CSMD1: variants seen among roughly 807,000 people sequenced by gnomAD.
The protein encoded by CSMD1 is CUB and sushi domain-containing protein 1.
A neutral mutation model predicts 417.5 loss-of-function variants in CSMD1; 213 were observed. That is an observed-to-expected ratio of 0.51 (90% CI 0.46 to 0.57). The LOEUF (loss-of-function observed/expected upper bound fraction) is 0.57, where lower values mean the gene tolerates loss of function less well. Among genes scored for constraint, CSMD1 ranks in the 20% least tolerant of loss-of-function variants. The pLI is 0.00. For synonymous variants in CSMD1, 2,862 were observed against 1,736.8 expected (o/e 1.65, Z -16.11); for missense variants, 6,923 against 4,529.7 (o/e 1.53, Z -15.17).
intron 5 of CSMD1, among the ~76,000 whole-genome samples, chr8:3,853,725 G>C (rs943280526): frequency 6.6e-6 from 1 of 151,810 alleles, no homozygotes; most frequent in African/African-American, 2.4e-5. Flanking sequence ...ACCTCGGGGT[G>C]GGGGGAGCAG....
chr8:3,615,664 A>C (rs995403128), intron 8 of CSMD1, among the ~76,000 whole-genome samples: 4 of 152,194 alleles, frequency 2.6e-5, no homozygotes, highest in Admixed American at 2.0e-4. Flanking sequence ...CTCCAATTTA[A>C]CTAAAAAACA....
chr8:3,826,828 C>T (rs954246622), intron 5 of CSMD1, among the ~76,000 whole-genome samples: 4 of 152,148 alleles, frequency 2.6e-5, no homozygotes, highest in African/African-American at 4.8e-5. Flanking sequence ...ACTCTGTCAT[C>T]TAGGCTGCAG....
At chr8:4,336,368 C>A (rs1800172943) in intron 3 of CSMD1, among the ~76,000 whole-genome samples, 1 of 152,096 alleles carries the variant, frequency 6.6e-6, no homozygotes, top group Non-Finnish European at 1.5e-5. Context: ...CATTAACAGG[C>A]AACTGTGCCT....
chr8:3,619,015 A>T (rs903619239), intron 7 of CSMD1, among the ~76,000 whole-genome samples: 1 of 152,172 alleles, frequency 6.6e-6, no homozygotes, highest in Admixed American at 6.6e-5. Context: ...CAGCCATGAA[A>T]GGCTGTGACA....
Position 3,201,475 on chromosome 8 carries a change from T to G in CSMD1, c.5098+137A>C, listed in dbSNP as rs1796990859. 3.0e-5 allele frequency: 14 copies of G among 464,222 alleles called. No homozygotes were observed. The East Asian group carries it at 4.6e-4, about 15-fold the overall frequency. The allele number at this position is 464,222 out of a possible 1,614,324, so 28.8% of individuals were successfully genotyped here. On this transcript the variant is annotated intron_variant, in intron 32 of 69. Transcript: ENST00000635120. ...TGAGATCTTATATCTAAAATAAGAT[T>G]TTTCTAAGCACACACGCAAATTCAA... is the stretch of plus-strand genomic sequence containing the variant.
chr8:3,427,021 C>A (rs139095426), intron 12 of CSMD1, among the ~76,000 whole-genome samples: 49 of 152,258 alleles, frequency 3.2e-4, no homozygotes, highest in Middle Eastern at 3.4e-3. Flanking sequence ...AATTACCAAA[C>A]ACTTATAAAA....
intron 10 of CSMD1, among the ~76,000 whole-genome samples, chr8:3,566,505 C>G (rs1799715677): frequency 6.6e-6 from 1 of 151,364 alleles, no homozygotes; most frequent in South Asian, 2.1e-4. Flanking sequence ...TCAGTGTGCT[C>G]AGCCCCGGTA....
chr8:3,849,075 C>A (rs1003480741), intron 5 of CSMD1, among the ~76,000 whole-genome samples: 1 of 151,942 alleles, frequency 6.6e-6, no homozygotes, highest in Non-Finnish European at 1.5e-5. Flanking sequence ...ATACAAGATT[C>A]CATTTAACAG....
rs148597036 is a variant in CSMD1, at chr8:4,512,071, G to A, written c.303-92006C>T. Among the ~76,000 whole-genome samples, 738 of 152,128 alleles carry A rather than the reference G, an allele frequency of 4.9e-3. 6 individuals carry two copies. Among genetic ancestry groups the A allele is most frequent in the African/African-American group, 0.017 (699 of 41,510 alleles). ...ATATTAGCAAAATAAATTCAACAAC[G>A]TATAAAAAGAATTATATACCATGTT... On this transcript the variant is annotated intron_variant, in intron 2 of 69. Coordinates refer to ENST00000635120, the MANE Select transcript of CSMD1 (RefSeq NM_033225.6).
At chr8:3,350,880 G>A (rs1585038692) in intron 21 of CSMD1, among the ~76,000 whole-genome samples, 1 of 152,074 alleles carries the variant, frequency 6.6e-6, no homozygotes, top group Non-Finnish European at 1.5e-5. Context: ...TATAATAAAT[G>A]GTAGTAACTA....
At chr8:3,483,940 C>T (rs1018005670) in intron 11 of CSMD1, among the ~76,000 whole-genome samples, 1 of 152,202 alleles carries the variant, frequency 6.6e-6, no homozygotes, top group Non-Finnish European at 1.5e-5. Flanking sequence ...TCACAGGACA[C>T]ATAGTGTTCA....
chr8:3,056,865 A>G (rs1812265081), intron 49 of CSMD1, among the ~76,000 whole-genome samples: 1 of 152,032 alleles, frequency 6.6e-6, no homozygotes, highest in Non-Finnish European at 1.5e-5. Context: ...AAATATATGT[A>G]CACATATAAA....
rs66603480 is a variant in CSMD1, at chr8:3,764,739, C to CT, written c.819-10698dup. On this transcript the variant is annotated intron_variant, in intron 5 of 69. Transcript: ENST00000635120. Reference sequence around the variant, plus strand: ...ATCACAGCACTGCCCTTTTCTCTTTCTTTTTTTTTTTTTTTTTTTTATTTT... The same window carrying CT: ...ATCACAGCACTGCCCTTTTCTCTTTCTTTTTTTTTTTTTTTTTTTTTATTTT... Among the ~76,000 whole-genome samples the CT allele has an allele frequency of 3.2e-3, 411 of 129,762 alleles. 1 individual carries two copies. Among genetic ancestry groups the CT allele is most frequent in the African/African-American group, 7.7e-3 (267 of 34,888 alleles). 85.1% of individuals were successfully genotyped at this position (129,762 alleles called of 152,430 possible). A position where few individuals can be genotyped will look rare whatever the true frequency, so the allele number is the denominator to read the frequency against.
intron 5 of CSMD1, among the ~76,000 whole-genome samples, chr8:3,812,447 G>A (rs916077531): frequency 1.3e-5 from 2 of 152,062 alleles, no homozygotes; most frequent in Admixed American, 6.6e-5. Flanking sequence ...CAATGATGTG[G>A]CTAGATTAAA....
intron 2 of CSMD1, among the ~76,000 whole-genome samples, chr8:4,461,741 A>ATTTTT (rs35226423): frequency 6.8e-4 from 85 of 124,546 alleles, no homozygotes; most frequent in Admixed American, 5.5e-3. Context: ...TTATTTACTT[A>ATTTTT]TTTTTTTTTT....
chr8:3,440,865 C>A (rs1042867530), intron 12 of CSMD1, among the ~76,000 whole-genome samples: 5 of 152,178 alleles, frequency 3.3e-5, no homozygotes, highest in African/African-American at 9.7e-5. Context: ...TTGTCATGAA[C>A]AGACGTTACA....
intron 5 of CSMD1, among the ~76,000 whole-genome samples, chr8:3,925,597 C>T (rs1238191951): frequency 6.6e-6 from 1 of 152,032 alleles, no homozygotes; most frequent in African/African-American, 2.4e-5. Flanking sequence ...CAGTCTTTCC[C>T]CTACTATTCT....
intron 52 of CSMD1, among the ~76,000 whole-genome samples, chr8:3,006,831 C>T: frequency 6.8e-6 from 1 of 148,092 alleles, no homozygotes; most frequent in African/African-American, 2.6e-5. Context: ...TAGAAGAAAA[C>T]CTAGGCATTA....
intron 23 of CSMD1, among the ~76,000 whole-genome samples, 157 bp from the exon 24 acceptor site, chr8:3,308,660 A>G (rs1043058987): frequency 9.9e-5 from 15 of 151,336 alleles, no homozygotes; most frequent in African/African-American, 3.6e-4. Context: ...ATGGGTCTGT[A>G]CTGGGGCTAT....
Sources: allele counts gnomAD v4.1 joint callset (sites outside exome capture counted in the v4.1 genomes callset), GRCh38; gene constraint gnomAD v4.1.1; transcripts MANE v1.5; gene names NCBI Gene and HGNC (gene_info 2026-07-23, HGNC 2026-07-21).